Variants in CNTNAP5 observed in about 807,000 individuals in gnomAD.
CNTNAP5 encodes the protein contactin-associated protein-like 5.
A neutral mutation model predicts 150.2 loss-of-function variants in CNTNAP5; 72 were observed. The ratio of observed to expected loss-of-function variants is 0.48; its 90% confidence interval spans 0.40 to 0.58. CNTNAP5 has a LOEUF of 0.58. Among genes scored for constraint, CNTNAP5 ranks in the 20% least tolerant of loss-of-function variants. The pLI is 0.00. For missense variants in CNTNAP5, 1,636 were observed against 1,626.2 expected (o/e 1.01, Z -0.10); for synonymous variants, 672 against 619.8 (o/e 1.08, Z -1.25).
At chr2:124,528,495 CA>C (rs1695028218) in intron 10 of CNTNAP5, among the ~76,000 whole-genome samples, 1 of 152,138 alleles carries the variant, frequency 6.6e-6, no homozygotes, top group Non-Finnish European at 1.5e-5. Context: ...TTCATCAATT[CA>C]AAATACTTTT....
intron 6 of CNTNAP5, among the ~76,000 whole-genome samples, chr2:124,471,508 A>G (rs939468779): frequency 2.0e-5 from 3 of 152,134 alleles, no homozygotes; most frequent in Admixed American, 6.6e-5. Context: ...TGTCATCTGC[A>G]AACAAAGATA....
chr2:124,381,209 C>A (rs902100102), intron 3 of CNTNAP5, among the ~76,000 whole-genome samples: 1 of 152,112 alleles, frequency 6.6e-6, no homozygotes, highest in Non-Finnish European at 1.5e-5. Flanking sequence ...AGTAAAGTAG[C>A]CACAAGTCAT....
intron 21 of CNTNAP5, among the ~76,000 whole-genome samples, chr2:124,900,166 G>A (rs1448233386): frequency 1.3e-5 from 2 of 151,406 alleles, no homozygotes; most frequent in Non-Finnish European, 2.9e-5. Context: ...AACTTTTGAG[G>A]GGAATAGAAA....
intron 13 of CNTNAP5, among the ~76,000 whole-genome samples, chr2:124,658,786 C>T (rs1289267346): frequency 2.6e-5 from 4 of 152,096 alleles, no homozygotes; most frequent in Admixed American, 2.0e-4. Flanking sequence ...TGGTGGCTTA[C>T]GGGGTAGATA....
chr2:124,324,451 A>G (rs1468893388), intron 3 of CNTNAP5, among the ~76,000 whole-genome samples: 1 of 152,188 alleles, frequency 6.6e-6, no homozygotes, highest in Admixed American at 6.5e-5. Context: ...GGAGAATGAT[A>G]ACGAAAGGGA....
chr2:124,789,139 C>T (rs1681663593), intron 17 of CNTNAP5, among the ~76,000 whole-genome samples: 2 of 152,208 alleles, frequency 1.3e-5, no homozygotes, highest in African/African-American at 4.8e-5. Flanking sequence ...AGGAAGTCTA[C>T]TGAAGTTTTC....
At position 124,549,420 on chromosome 2, in the gene CNTNAP5, T is replaced by C. The variant is rs1056914287; in HGVS notation, c.1650-13797T>C. 4.9e-4 allele frequency among the ~76,000 whole-genome samples: 75 copies of C among 152,194 alleles called. 2 individuals carry two copies. Among genetic ancestry groups the C allele is most frequent in the Admixed American group, 1.7e-3 (26 of 15,282 alleles). On this transcript the variant is annotated intron_variant, in intron 10 of 23. Transcript: ENST00000682447. ...GGTGAAATCTTTTTATTCCATCAAA[T>C]AAAATTTTAGTTCTATCCATAACAA...
chr2:124,107,134 G>A (rs1683186436), intron 1 of CNTNAP5, among the ~76,000 whole-genome samples: 1 of 152,172 alleles, frequency 6.6e-6, no homozygotes, highest in South Asian at 2.1e-4. Context: ...AGCTGGTGCT[G>A]TTGTGCAGTG....
At chr2:124,843,304 G>A (rs1040918150) in intron 19 of CNTNAP5, among the ~76,000 whole-genome samples, 6 of 151,772 alleles carry the variant, frequency 4.0e-5, no homozygotes, top group Non-Finnish European at 7.4e-5. Context: ...CATTTGGGCT[G>A]GTTCTGTATT....
At chr2:124,083,331 C>A (rs1020911925) in intron 1 of CNTNAP5, among the ~76,000 whole-genome samples, 1 of 152,022 alleles carries the variant, frequency 6.6e-6, no homozygotes, top group Non-Finnish European at 1.5e-5. Flanking sequence ...CAGCCCTGGG[C>A]AACAGAGTAA....
chr2:124,322,956 G>A (rs1044658199), intron 3 of CNTNAP5, among the ~76,000 whole-genome samples: 1 of 152,150 alleles, frequency 6.6e-6, no homozygotes, highest in Non-Finnish European at 1.5e-5. Context: ...ATATTAAGAA[G>A]GATTAGACTA....
intron 1 of CNTNAP5, among the ~76,000 whole-genome samples, chr2:124,058,798 CCTT>C (rs1202611934): frequency 2.0e-5 from 3 of 152,262 alleles, no homozygotes; most frequent in Non-Finnish European, 2.9e-5. Context: ...CCATCAATGA[CCTT>C]CTGAAAATCC....
chr2:124,809,035 G>A (rs1181557384), intron 19 of CNTNAP5, among the ~76,000 whole-genome samples: 1 of 151,648 alleles, frequency 6.6e-6, no homozygotes, highest in Non-Finnish European at 1.5e-5. Flanking sequence ...GAACTGAACA[G>A]CCCCATGAAA....
At chr2:124,573,136 A>G (rs1281451829) in intron 11 of CNTNAP5, among the ~76,000 whole-genome samples, 1 of 152,184 alleles carries the variant, frequency 6.6e-6, no homozygotes, top group African/African-American at 2.4e-5. Flanking sequence ...ACATTACAAC[A>G]TCTTAAGTGC....
intron 1 of CNTNAP5, among the ~76,000 whole-genome samples, chr2:124,148,137 T>A (rs986526041): frequency 6.6e-6 from 1 of 152,010 alleles, no homozygotes; most frequent in Non-Finnish European, 1.5e-5. Flanking sequence ...TTTATTTAGT[T>A]TTTAACTAAA....
At chr2:124,122,866 C>A (rs1441476188) in intron 1 of CNTNAP5, among the ~76,000 whole-genome samples, 1 of 151,790 alleles carries the variant, frequency 6.6e-6, no homozygotes. Context: ...CATGTCAGTG[C>A]CCCTTCAAGG....
chr2:124,750,877 A>G (rs537528180), intron 14 of CNTNAP5, among the ~76,000 whole-genome samples: 7 of 150,920 alleles, frequency 4.6e-5, no homozygotes, highest in Admixed American at 2.0e-4. Flanking sequence ...TCAGCTACTC[A>G]GGAGGCTGAG....
intron 6 of CNTNAP5, among the ~76,000 whole-genome samples, chr2:124,467,656 T>C (rs577207248): frequency 3.9e-5 from 6 of 152,308 alleles, no homozygotes; most frequent in African/African-American, 1.4e-4. Context: ...CATCATTATA[T>C]GAAGCAAATT....
chr2:124,468,565 G>A (rs1290415571), intron 6 of CNTNAP5, among the ~76,000 whole-genome samples: 1 of 151,972 alleles, frequency 6.6e-6, no homozygotes, highest in East Asian at 1.9e-4. Context: ...TCCTCTCCTA[G>A]TCCACTGACT....
Sources: gnomAD v4.1 joint callset for allele counts (sites outside exome capture counted in the v4.1 genomes callset) on GRCh38, gnomAD v4.1.1 for gene constraint, MANE v1.5 for transcripts, NCBI Gene and HGNC (gene_info 2026-07-23, HGNC 2026-07-21) for gene names.